The following PLIN3 variants were observed in gnomAD, a reference collection of about 807,000 sequenced individuals.
PLIN3 encodes the protein perilipin 3, also known as perilipin-3.
Under a neutral mutation model 35.9 loss-of-function variants are expected in PLIN3, and 30 were observed. The ratio of observed to expected loss-of-function variants is 0.84; its 90% CI spans 0.62 to 1.13. PLIN3 has a LOEUF of 1.13. Ranked by LOEUF, PLIN3 falls within the 50% of genes most tolerant of loss-of-function variation. PLIN3 has a pLI of 0.00. For synonymous variants in PLIN3, 261 were observed against 262.5 expected (o/e 0.99, Z 0.06); for missense variants, 603 against 596.9 (o/e 1.01, Z -0.11).
Position 4,839,085 on chromosome 19 carries a change from G to T in PLIN3, c.*107C>A. On this transcript the variant is annotated 3_prime_UTR_variant, in exon 8 of 8. Coordinates refer to ENST00000221957, the MANE Select transcript of PLIN3 (RefSeq NM_005817.5). ...CTTCCCAAGTGGACAGCACAGAAGA[G>T]CTGGGAGGAGTGGCTAGAAAATAAG... 1.1e-6 allele frequency: 1 copy of T among 902,824 alleles called. No individual in the cohort carries two copies. The highest frequency in any genetic ancestry group is 1.7e-6 in the Non-Finnish European group (1 of 590,458). 55.9% of individuals were successfully genotyped at this position (902,824 alleles called of 1,614,324 possible).
chr19:4,840,656 C>T (rs147074638), intron 7 of PLIN3, among the ~76,000 whole-genome samples: 251 of 152,294 alleles, frequency 1.6e-3, no homozygotes, highest in Admixed American at 3.3e-3. Context: ...AAATGCAAAT[C>T]AAAACCATAA....
intron 1 of PLIN3, among the ~76,000 whole-genome samples, chr19:4,865,694 G>T (rs117748420): frequency 1.9e-3 from 287 of 151,704 alleles, no homozygotes; most frequent in Admixed American, 5.4e-3. Flanking sequence ...ACTAGATCTG[G>T]AGTCCAGATT....
rs1450967651 is a variant in PLIN3, at chr19:4,845,995, C to T, written c.835-1202G>A. On this transcript the variant is annotated intron_variant, in intron 6 of 7. Coordinates refer to ENST00000221957, the MANE Select transcript of PLIN3 (RefSeq NM_005817.5). ...ATTCCAGCACTTTGGGAGGCCGAGG[C>T]GGGCGGATCAAGAGGTCAGGAGATC... 8.0e-5 allele frequency among the ~76,000 whole-genome samples: 12 copies of T among 149,268 alleles called. No individual in the cohort carries two copies. In the East Asian group the frequency reaches 1.2e-3, roughly 15 times the overall value.
At chr19:4,844,829 T>A in intron 6 of PLIN3, 36 bp from the exon 7 acceptor site, 2 of 1,562,138 alleles carry the variant, frequency 1.3e-6, no homozygotes, top group Non-Finnish European at 1.7e-6. Context: ...GGAAGGAGGC[T>A]CCCCTGGGAG....
chr19:4,852,342 A>G lies in PLIN3; in HGVS notation c.349-41T>C, dbSNP rs984244863. 20 of 1,579,202 alleles carry G rather than the reference A, an allele frequency of 1.3e-5. No homozygotes were observed. In the African/African-American group the frequency reaches 2.3e-4, roughly 18 times the overall value. On this transcript the variant is annotated intron_variant, in intron 4 of 7. Transcript: ENST00000221957. ...GCATCAGCATCTCTGCCTTCCCTCC[A>G]TATCTGGGCACCCCTCCCCTGCACC...
Position 4,859,737 on chromosome 19 carries a change from A to G in PLIN3, c.266-65T>C, listed in dbSNP as rs45488495. On this transcript the variant is annotated intron_variant, in intron 3 of 7. Coordinates refer to ENST00000221957, the MANE Select transcript of PLIN3 (RefSeq NM_005817.5). The stretch of plus-strand genomic sequence containing the variant: ...GGTCACCTAGTAATGGTTCAGGGGG[A>G]CAGGACCAAGAGCTGGGTAGACCCC... 4,710 of 1,598,064 alleles carry G rather than the reference A, an allele frequency of 2.9e-3. 11 individuals carry two copies. Among genetic ancestry groups the G allele is most frequent in the Non-Finnish European group, 3.7e-3 (4,261 of 1,166,366 alleles).
At chr19:4,843,507 C>CAAAAAAAAAAAA (rs1177137897) in intron 7 of PLIN3, among the ~76,000 whole-genome samples, 636 of 39,364 alleles carry the variant, frequency 0.016, 8 homozygotes, top group South Asian at 0.16. Flanking sequence ...GACTCCATCT[C>CAAAAAAAAAAAA]AAAAAATAAA....
intron 5 of PLIN3, among the ~76,000 whole-genome samples, chr19:4,851,712 T>A (rs563631929): frequency 6.6e-6 from 1 of 151,794 alleles, no homozygotes; most frequent in South Asian, 2.1e-4. Context: ...TGACGAGGAC[T>A]TGGGCTTTGA....
chr19:4,863,847 C>A (rs2602725), intron 1 of PLIN3, among the ~76,000 whole-genome samples: 1 of 149,492 alleles, frequency 6.7e-6, no homozygotes, highest in Admixed American at 6.7e-5. Context: ...AAAAAGAAAA[C>A]AAAACAAAAC....
At position 4,853,114 on chromosome 19, in the gene PLIN3, T is replaced by A. The variant is rs1453799673; in HGVS notation, c.349-813A>T. Among the ~76,000 whole-genome samples, 4 of 35,110 alleles carry A rather than the reference T, an allele frequency of 1.1e-4. No homozygotes were observed. The East Asian group carries it at 3.2e-3, about 28-fold the overall frequency. The allele number at this position is 35,110 out of a possible 152,430, so 23.0% of individuals were successfully genotyped here. A position where few individuals can be genotyped will look rare whatever the true frequency, so the allele number is the denominator to read the frequency against. ...GGCATGAGCCACTGCACTCTGCCTGTTTTTTGTTTTTTTTTTTCAATTTAA... is the reference window on the plus strand; with the variant it reads ...GGCATGAGCCACTGCACTCTGCCTGATTTTTGTTTTTTTTTTTCAATTTAA... On this transcript the variant is annotated intron_variant, in intron 4 of 7. Coordinates refer to ENST00000221957, the MANE Select transcript of PLIN3 (RefSeq NM_005817.5).
At chr19:4,850,279 AT>A (rs1271363085) in intron 5 of PLIN3, among the ~76,000 whole-genome samples, 1 of 142,944 alleles carries the variant, frequency 7.0e-6, no homozygotes, top group East Asian at 2.1e-4. Context: ...TACTGTACCC[AT>A]GCTTTTTTTT....
At chr19:4,845,901 G>C (rs1056714844) in intron 6 of PLIN3, among the ~76,000 whole-genome samples, 14 of 144,338 alleles carry the variant, frequency 9.7e-5, no homozygotes, top group Non-Finnish European at 1.5e-4. Context: ...ACTCCAGCCT[G>C]GGTGACAGAG....
intron 7 of PLIN3, among the ~76,000 whole-genome samples, chr19:4,844,291 C>A (rs530444933): frequency 1.3e-5 from 2 of 152,212 alleles, no homozygotes; most frequent in African/African-American, 4.8e-5. Flanking sequence ...TGGTGAAACC[C>A]TGTCTCTACT....
chr19:4,839,437 T>A lies in PLIN3; in HGVS notation c.1060A>T (p.Asn354Tyr), dbSNP rs902053983. Reference protein sequence around the residue: ...LGSSIQGLPTNVKDQVQQARR... With the variant: ...LGSSIQGLPTYVKDQVQQARR... ...GCCTGCTGCACCTGGTCCTTCACAT[T>A]GGTGGGGAGGCCCTGAATGCTGGAC... The change falls in exon 8 of 8, where the codon AAT becomes TAT. Residue 354 changes from asparagine to tyrosine, a missense_variant. Asn to Tyr is a moderately radical substitution (Grantham distance 143). Transcript: ENST00000221957. 6.2e-7 allele frequency: 1 copy of A among 1,600,104 alleles called. No individual in the cohort carries two copies. The highest frequency in any genetic ancestry group is 1.3e-5 in the African/African-American group (1 of 74,682).
chr19:4,848,454 C>A (rs1036043942), intron 5 of PLIN3, among the ~76,000 whole-genome samples: 2 of 152,230 alleles, frequency 1.3e-5, no homozygotes, highest in African/African-American at 4.8e-5. Context: ...GGCCTGCAGG[C>A]CAGACCTGCC....
intron 4 of PLIN3, among the ~76,000 whole-genome samples, chr19:4,855,334 T>C (rs2030439674): frequency 6.6e-6 from 1 of 150,640 alleles, no homozygotes; most frequent in Admixed American, 6.6e-5. Context: ...TTATCCCTTC[T>C]ATAAACAGAA....
At position 4,845,791 on chromosome 19, in the gene PLIN3, G is replaced by A. The variant is rs35272236; in HGVS notation, c.835-998C>T. 5.6e-3 allele frequency among the ~76,000 whole-genome samples: 851 copies of A among 150,712 alleles called. 3 individuals carry two copies. The highest frequency in any genetic ancestry group is 6.8e-3 in the Non-Finnish European group (464 of 67,800). ...TACAAAAAATTAGCCCAGCGTGGTG[G>A]TGGGCGCCTGTAGTCCCAGCTACTC... On this transcript the variant is annotated intron_variant, in intron 6 of 7. Coordinates refer to ENST00000221957, the MANE Select transcript of PLIN3 (RefSeq NM_005817.5).
intron 7 of PLIN3, among the ~76,000 whole-genome samples, chr19:4,842,301 C>G (rs578045646): frequency 6.6e-6 from 1 of 151,546 alleles, no homozygotes; most frequent in Non-Finnish European, 1.5e-5. Context: ...TGGTTGCAGG[C>G]GCCTGTAATC....
rs754789630 is a variant in PLIN3 at position 4,844,762 on chromosome 19, T to C, written c.866A>G (p.Lys289Arg). The C allele has an allele frequency of 6.2e-7, 1 of 1,602,742 alleles. No individual in the cohort carries two copies. The highest frequency in any genetic ancestry group is 8.5e-7 in the Non-Finnish European group (1 of 1,175,054). The change falls in exon 7 of 8, where the codon AAG becomes AGG. Residue 289 changes from lysine to arginine, a missense_variant. By Grantham distance (26) the Lys-to-Arg change is conservative (BLOSUM62 2). Transcript: ENST00000221957. The part of the protein sequence containing the change: ...METVKQGVDQ[K>R]LVEGQEKLHQ... ...CAGCTTCTCCTGGCCTTCCACCAGC[T>C]TCTGATCAACGCCTTGCTTGACAGT... is the stretch of plus-strand genomic sequence containing the variant.
Sources: allele counts gnomAD v4.1 joint callset (sites outside exome capture counted in the v4.1 genomes callset), GRCh38; gene constraint gnomAD v4.1.1; transcripts MANE v1.5; gene names NCBI Gene and HGNC (gene_info 2026-07-23, HGNC 2026-07-21).